Variants in PLEKHM1 observed in about 807,000 individuals in gnomAD.
PLEKHM1 encodes pleckstrin homology domain-containing family M member 1.
A neutral mutation model predicts 94.3 loss-of-function variants in PLEKHM1; 28 were observed. That is an observed-to-expected ratio of 0.30 (90% CI 0.22 to 0.41). PLEKHM1 has a LOEUF of 0.41. PLEKHM1 is among the 10% of genes least tolerant of loss of function. The pLI is 1.00. For missense variants in PLEKHM1, 907 were observed against 1,358.6 expected, an observed-to-expected ratio of 0.67 and a Z score of 5.22; for synonymous variants, 424 against 581.2, an observed-to-expected ratio of 0.73 and a Z score of 3.89.
chr17:45,452,178 C>A (rs2050792872), intron 7 of PLEKHM1, among the ~76,000 whole-genome samples: 2 of 151,990 alleles, frequency 1.3e-5, no homozygotes, highest in Admixed American at 1.3e-4. Flanking sequence ...GAGGGGCTAA[C>A]AATGGAACAT....
chr17:45,439,437 G>A lies in PLEKHM1; in HGVS notation c.3059+40C>T, dbSNP rs367696904. 22 of 1,611,828 alleles carry A rather than the reference G, an allele frequency of 1.4e-5. No homozygotes were observed. In the African/African-American group the frequency reaches 2.0e-4, roughly 15 times the overall value. On this transcript the variant is annotated intron_variant, in intron 11 of 11. Coordinates refer to ENST00000430334, the MANE Select transcript of PLEKHM1 (RefSeq NM_014798.3). The stretch of plus-strand genomic sequence containing the variant: ...TGGGCCAGGCTGTGGGTGTGGGGAA[G>A]GGTGGGGCTGGAAGGCGGCTGGCTG...
chr17:45,480,572 C>T (rs2051921307), intron 2 of PLEKHM1, among the ~76,000 whole-genome samples: 2 of 152,158 alleles, frequency 1.3e-5, no homozygotes, highest in South Asian at 2.1e-4. Context: ...TTAGTGATTG[C>T]CAGGGGCTGG....
rs1251327989 is a variant in PLEKHM1, at chr17:45,445,333, G to A, written c.2837+137C>T. The A allele has an allele frequency of 4.1e-6, 3 of 731,926 alleles. No individual in the cohort carries two copies. Among genetic ancestry groups the A allele is most frequent in the African/African-American group, 3.5e-5 (2 of 57,738 alleles). 45.3% of individuals were successfully genotyped at this position (731,926 alleles called of 1,614,324 possible). ...TGGGTGTGGATGTCTATGCATTTGTGTATAAATTTATGTGTGTGGGTATGT... is the reference window on the plus strand; with the variant it reads ...TGGGTGTGGATGTCTATGCATTTGTATATAAATTTATGTGTGTGGGTATGT... On this transcript the variant is annotated intron_variant, in intron 9 of 11. Transcript: ENST00000430334. The surrounding 1 kb of genome is among the most constrained non-coding windows in gnomAD (Gnocchi z 4.2).
chr17:45,446,369 C>T (rs1370527512), intron 8 of PLEKHM1: 1 of 152,922 alleles, frequency 6.5e-6, no homozygotes, highest in African/African-American at 2.4e-5. Flanking sequence ...GTGTCCCTGT[C>T]CCCGTTTTCT....
intron 8 of PLEKHM1, chr17:45,446,082 T>A: frequency 3.4e-6 from 1 of 294,582 alleles, no homozygotes; most frequent in Non-Finnish European, 6.6e-6. Context: ...GGTGACGGGC[T>A]GAGTCAGGCT....
chr17:45,440,750 G>T, intron 9 of PLEKHM1: 1 of 204,862 alleles, frequency 4.9e-6, no homozygotes, highest in Non-Finnish European at 1.0e-5. Flanking sequence ...TTTGAACACA[G>T]GGGCCTGGCT....
Position 45,450,620 on chromosome 17 carries a change from G to A in PLEKHM1, c.2641C>T (p.Pro881Ser). 6.2e-7 allele frequency: 1 copy of A among 1,613,540 alleles called. No individual in the cohort carries two copies. Among genetic ancestry groups the A allele is most frequent in the Non-Finnish European group, 8.5e-7 (1 of 1,179,818 alleles). ...GGGCTGCTGGGCTTGAGACTTACCG[G>A]GCGCTTGGTGAGGTCCCAGTTGTGG... Reference protein sequence around the residue: ...IIHNWDLTKRPICRQALKFLT... With the variant: ...IIHNWDLTKRSICRQALKFLT... The change falls in exon 8 of 12, where the codon CCG becomes TCG. Residue 881 changes from proline (P) to serine (S), a missense_variant and splice_region_variant. By Grantham distance (74) the Pro-to-Ser change is moderately conservative. Transcript: ENST00000430334.
chr17:45,447,680 G>T (rs1479390956), intron 8 of PLEKHM1, among the ~76,000 whole-genome samples: 4 of 152,094 alleles, frequency 2.6e-5, no homozygotes, highest in African/African-American at 7.3e-5. Flanking sequence ...CCCCAAACCC[G>T]TGGGCCCCCT....
rs55764939 is a variant in PLEKHM1 at position 45,458,723 on chromosome 17, G to A, written c.1309-284C>T. ...TGACTTCAGGTGAGCCACCCACCTC[G>A]GCCTCCCAAAGTGTTGGGATTACAG... On this transcript the variant is annotated intron_variant, in intron 5 of 11. Coordinates refer to ENST00000430334, the MANE Select transcript of PLEKHM1 (RefSeq NM_014798.3). 3.3e-5 allele frequency among the ~76,000 whole-genome samples: 5 copies of A among 150,768 alleles called. No homozygotes were observed. In the South Asian group the frequency reaches 8.4e-4, roughly 25 times the overall value.
At chr17:45,484,126 G>C (rs1324385199) in intron 1 of PLEKHM1, among the ~76,000 whole-genome samples, 2 of 152,160 alleles carry the variant, frequency 1.3e-5, no homozygotes, top group Non-Finnish European at 2.9e-5. Context: ...ACTCCAACCT[G>C]ACTGGTCTAA....
At chr17:45,452,934 T>C (rs1305390813) in intron 7 of PLEKHM1, 6 of 319,290 alleles carry the variant, frequency 1.9e-5, no homozygotes, top group Non-Finnish European at 3.6e-5. Flanking sequence ...TGGACAGCAC[T>C]GAATAGCACG....
intron 1 of PLEKHM1, among the ~76,000 whole-genome samples, chr17:45,483,352 C>T (rs895583858): frequency 3.3e-5 from 5 of 151,144 alleles, no homozygotes; most frequent in African/African-American, 1.2e-4. Context: ...AATGAGTATG[C>T]AGGAAGAGCT....
At chr17:45,464,653 C>T (rs1276369467) in intron 5 of PLEKHM1, among the ~76,000 whole-genome samples, 3 of 152,016 alleles carry the variant, frequency 2.0e-5, no homozygotes, top group Admixed American at 6.6e-5. Flanking sequence ...GGGCAGGATC[C>T]GAGATTCTCA....
At chr17:45,482,307 C>T (rs1345935038) in intron 2 of PLEKHM1, 130 bp downstream of exon 2, 24 of 544,674 alleles carry the variant, frequency 4.4e-5, no homozygotes, top group Non-Finnish European at 3.5e-6. Context: ...TCCTCAGAGC[C>T]TGCTTGTGCT....
chr17:45,467,001 G>A (rs552735306), intron 5 of PLEKHM1, among the ~76,000 whole-genome samples: 1 of 152,340 alleles, frequency 6.6e-6, no homozygotes, highest in East Asian at 1.9e-4. Flanking sequence ...ATTAACAGGA[G>A]AATGGGTAAT....
At chr17:45,490,610 A>C in intron 1 of PLEKHM1, 42 bp downstream of exon 1, 2 of 428,954 alleles carry the variant, frequency 4.7e-6, no homozygotes, top group South Asian at 3.2e-5. Context: ...CGGCCCTCCC[A>C]CCACTCCGCC....
At chr17:45,443,744 CCA>C (rs2050519052) in intron 9 of PLEKHM1, among the ~76,000 whole-genome samples, 2 of 152,142 alleles carry the variant, frequency 1.3e-5, no homozygotes, top group African/African-American at 2.4e-5. Flanking sequence ...CCACCTGACC[CCA>C]GAGATTTCAC....
intron 8 of PLEKHM1, among the ~76,000 whole-genome samples, chr17:45,447,430 G>A (rs1364121542): frequency 6.6e-6 from 1 of 152,270 alleles, no homozygotes; most frequent in Non-Finnish European, 1.5e-5. Context: ...CCCAGGCCTT[G>A]GGTGAGGCTC....
chr17:45,471,581 C>G (rs1450962142), intron 4 of PLEKHM1, among the ~76,000 whole-genome samples: 2 of 151,542 alleles, frequency 1.3e-5, no homozygotes, highest in Non-Finnish European at 2.9e-5. Flanking sequence ...CATAGTGAAA[C>G]CCTTTCTCTA....
Sources: gnomAD v4.1 joint callset for allele counts (sites outside exome capture counted in the v4.1 genomes callset) on GRCh38, gnomAD v4.1.1 for gene constraint, Gnocchi (gnomAD v3.1) non-coding constraint, MANE v1.5 for transcripts, NCBI Gene and HGNC (gene_info 2026-07-23, HGNC 2026-07-21) for gene names.